Variants in USP35 observed in about 807,000 individuals in gnomAD.
USP35 encodes ubiquitin carboxyl-terminal hydrolase 35.
A neutral mutation model predicts 83.8 loss-of-function variants in USP35; 69 were observed. That is an observed-to-expected ratio of 0.82 (90% CI 0.68 to 1.01). The LOEUF (loss-of-function observed/expected upper bound fraction) is 1.01. Among genes scored for constraint, USP35 ranks in the 50% least tolerant of loss-of-function variants. USP35 has a pLI of 0.00. For missense variants in USP35, 1,503 were observed against 1,362.5 expected (o/e 1.10, Z -1.62); for synonymous variants, 714 against 589.5 (o/e 1.21, Z -3.06).
In USP35 at chr11:78,209,726, G is replaced by T; in HGVS notation, c.1871G>T (p.Arg624Leu). 2 of 1,614,060 alleles carry T rather than the reference G, an allele frequency of 1.2e-6. No individual in the cohort carries two copies. Among genetic ancestry groups the T allele is most frequent in the Non-Finnish European group, 1.7e-6 (2 of 1,179,990 alleles). ...CGCCCCACAGAAGACATCACAGCCC[G>T]GGAGTTGCCCCCACCAACCAGTGCA... is the stretch of plus-strand genomic sequence containing the variant. ...VMRPTEDITARELPPPTSAQG... is the reference protein window; with the variant it reads ...VMRPTEDITALELPPPTSAQG... Residue 624 changes from arginine (R) to leucine (L), a missense_variant, in exon 10 of 11, where the codon CGG becomes CTG. Physicochemically the swap from Arg to Leu is moderately radical, Grantham distance 102. Transcript: ENST00000529308.
At chr11:78,223,658 C>T in the USP35 span, 1 of 1,601,394 alleles carries the variant, frequency 6.2e-7, no homozygotes, top group Admixed American at 1.7e-5. Context: ...TCCGATCGGC[C>T]CACAATCATT....
In USP35 at chr11:78,209,904, G is replaced by A; in HGVS notation, c.2049G>A (p.Gly683=). 1 of 1,601,756 alleles carries A rather than the reference G, an allele frequency of 6.2e-7. No individual in the cohort carries two copies. The highest frequency in any genetic ancestry group is 8.5e-7 in the Non-Finnish European group (1 of 1,173,492). The change falls in exon 10 of 11, where the codon GGG becomes GGA. Residue 683 remains glycine (G), a synonymous_variant. Coordinates refer to ENST00000529308, the MANE Select transcript of USP35 (RefSeq NM_020798.4). ...QEERIEREEE[G]KEERTEKEEV... is the part of the protein sequence containing the mutation. ...AAAGGATAGAGAGGGAGGAAGAAGG[G>A]AAGGAGGAGAGAACGGAGAAGGAAG... is the stretch of plus-strand genomic sequence containing the variant.
At chr11:78,222,358 T>C in the USP35 span, among the ~76,000 whole-genome samples, 3 of 152,176 alleles carry the variant, frequency 2.0e-5, no homozygotes, top group Non-Finnish European at 4.4e-5. Context: ...TTTGCCCATA[T>C]TGATGAGCCT....
At chr11:78,219,362 G>A (rs760617029), downstream of USP35, 2 of 1,613,694 alleles carry the variant, frequency 1.2e-6, no homozygotes, top group African/African-American at 2.7e-5. Context: ...TCTTCTCCTT[G>A]TCCACCTGAA....
chr11:78,233,925 A>G, the USP35 span, among the ~76,000 whole-genome samples: 2 of 152,044 alleles, frequency 1.3e-5, no homozygotes, highest in Non-Finnish European at 2.9e-5. Flanking sequence ...TTCTTTTCTT[A>G]AAGAGGCCTC....
chr11:78,215,789 A>C (rs1864105686), downstream of USP35: 1 of 152,630 alleles, frequency 6.6e-6, no homozygotes, highest in East Asian at 1.9e-4. Context: ...GAAGGGCTTT[A>C]GCGCTCCTGA....
chr11:78,213,915 C>A lies in USP35; in HGVS notation c.*102C>A. The A allele has an allele frequency of 7.4e-7, 1 of 1,344,458 alleles. No homozygotes were observed. The highest frequency in any genetic ancestry group is 9.9e-7 in the Non-Finnish European group (1 of 1,007,156). The allele number at this position is 1,344,458 out of a possible 1,614,324, so 83.3% of individuals were successfully genotyped here. A position where few individuals can be genotyped will look rare whatever the true frequency, so the allele number is the denominator to read the frequency against. On this transcript the variant is annotated 3_prime_UTR_variant, in exon 11 of 11. Coordinates refer to ENST00000529308, the MANE Select transcript of USP35 (RefSeq NM_020798.4). ...TACCAAGAGGAAGGATGGTACAGCT[C>A]ATGGCACCTTAGTCCTCAGCCTGAT...
rs115663034 is a variant in USP35, at chr11:78,214,069, G to A, written c.*256G>A. 1,164 of 390,240 alleles carry A rather than the reference G, an allele frequency of 3.0e-3. 13 individuals carry two copies. The highest frequency in any genetic ancestry group is 0.022 in the African/African-American group (1,047 of 47,636). The allele number at this position is 390,240 out of a possible 1,614,324, so 24.2% of individuals were successfully genotyped here. On this transcript the variant is annotated 3_prime_UTR_variant, in exon 11 of 11. Transcript: ENST00000529308. ...TGAAGCAGCCGAGATGGGCACACAC[G>A]GGTCTTTGCCTCCCCCTCCTTCCCT...
chr11:78,223,927 A>G, the USP35 span, among the ~76,000 whole-genome samples: 1 of 152,104 alleles, frequency 6.6e-6, no homozygotes, highest in Non-Finnish European at 1.5e-5. Context: ...CTAAAAATCC[A>G]AAGTATTAGC....
the USP35 span, among the ~76,000 whole-genome samples, chr11:78,236,475 G>T: frequency 2.0e-4 from 30 of 152,150 alleles, no homozygotes; most frequent in South Asian, 6.2e-3. Flanking sequence ...CTTCCTCCAT[G>T]GAACTGATGA....
At chr11:78,200,969 G>A (rs909198566) in intron 6 of USP35, among the ~76,000 whole-genome samples, 161 bp downstream of exon 6, 9 of 152,326 alleles carry the variant, frequency 5.9e-5, no homozygotes, top group African/African-American at 2.2e-4. Flanking sequence ...CAAGCACACT[G>A]AGCCACTCAC....
In USP35 at chr11:78,210,535, A is replaced by G. The variant is rs1275122437; in HGVS notation, c.2680A>G (p.Asn894Asp). Residue 894 changes from asparagine (N) to aspartate (D), a missense_variant, in exon 10 of 11, where the codon AAT (asparagine) becomes GAT (aspartate). Asn to Asp is a conservative substitution (Grantham distance 23). Transcript: ENST00000529308. ...GCCCGAGAACCAGTGGTACCTGTTC[A>G]ATGACACTCGGGTGTCCTTCTCTTC... ...PEPENQWYLF[N>D]DTRVSFSSFE... The G allele has an allele frequency of 1.2e-6, 2 of 1,613,418 alleles. No homozygotes were observed. Among genetic ancestry groups the G allele is most frequent in the South Asian group, 1.1e-5 (1 of 91,068 alleles).
Position 78,213,629 on chromosome 11 carries a change from CTCA to C in USP35, c.2890-14_2890-12del. On this transcript the variant is annotated splice_polypyrimidine_tract_variant and intron_variant, in intron 10 of 10. Coordinates refer to ENST00000529308, the MANE Select transcript of USP35 (RefSeq NM_020798.4). Reference sequence around the variant, plus strand: ...TGTGAATTCTAAGTCTAAGTCTCCTCTCATCTGTGTTCCCAGGAGCAGGAGAAG... The same window carrying C: ...TGTGAATTCTAAGTCTAAGTCTCCTCTCTGTGTTCCCAGGAGCAGGAGAAG... The C allele has an allele frequency of 6.8e-7, 1 of 1,469,050 alleles. No homozygotes were observed. The highest frequency in any genetic ancestry group is 1.5e-5 in the African/African-American group (1 of 67,722). 91.0% of individuals were successfully genotyped at this position (1,469,050 alleles called of 1,614,324 possible). A position where few individuals can be genotyped will look rare whatever the true frequency, so the allele number is the denominator to read the frequency against.
the USP35 span, chr11:78,226,715 G>A: frequency 6.2e-7 from 1 of 1,613,956 alleles, no homozygotes; most frequent in Admixed American, 1.7e-5. Flanking sequence ...CTGAGAGTGG[G>A]GTGGCCGGAA....
the USP35 span, among the ~76,000 whole-genome samples, chr11:78,234,042 C>A: frequency 6.6e-4 from 100 of 152,226 alleles, no homozygotes; most frequent in African/African-American, 2.4e-3. Flanking sequence ...TCTTTGCTTA[C>A]CTCAAGATCA....
chr11:78,222,783 A>G, the USP35 span, among the ~76,000 whole-genome samples: 1 of 151,980 alleles, frequency 6.6e-6, no homozygotes, highest in Non-Finnish European at 1.5e-5. Flanking sequence ...GGGTTTCACT[A>G]TTTTGGCCAG....
In USP35 at chr11:78,199,741, TAGCCCAGAGTTAC is replaced by T; in HGVS notation, c.936+22_936+34del. 1 of 1,614,136 alleles carries T rather than the reference TAGCCCAGAGTTAC, an allele frequency of 6.2e-7. No individual in the cohort carries two copies. ...ATTGAGAAGGTTGGTGCCCCTGTCC[TAGCCCAGAGTTAC>T]AGCCTTTTGTACTAGGCTCTTGCCA... On this transcript the variant is annotated intron_variant, in intron 4 of 10. Coordinates refer to ENST00000529308, the MANE Select transcript of USP35 (RefSeq NM_020798.4).
chr11:78,202,401 C>T (rs1367551713), intron 6 of USP35, among the ~76,000 whole-genome samples: 1 of 152,226 alleles, frequency 6.6e-6, no homozygotes, highest in African/African-American at 2.4e-5. Flanking sequence ...GGCCTGCTCT[C>T]ATGTGGATTT....
At chr11:78,211,425 T>C (rs901819108) in intron 10 of USP35, among the ~76,000 whole-genome samples, 1 of 152,220 alleles carries the variant, frequency 6.6e-6, no homozygotes, top group East Asian at 1.9e-4. Flanking sequence ...CATGTGCATG[T>C]ATCTTTATAA....
Sources: allele counts gnomAD v4.1 joint callset (sites outside exome capture counted in the v4.1 genomes callset), GRCh38; gene constraint gnomAD v4.1.1; transcripts MANE v1.5; gene names NCBI Gene and HGNC (gene_info 2026-07-23, HGNC 2026-07-21).